The following CACNA1A variants were observed in gnomAD, a reference collection of about 807,000 sequenced individuals.
CACNA1A encodes the protein calcium voltage-gated channel subunit alpha1 A, also known as voltage-dependent P/Q-type calcium channel subunit alpha-1A.
CACNA1A carries 57 observed loss-of-function variants against 262.4 expected under a neutral mutation model. That is an observed-to-expected ratio of 0.22 (90% CI 0.18 to 0.27). CACNA1A has a LOEUF of 0.27. CACNA1A is among the 10% of genes least tolerant of loss of function. The pLI is 1.00. For missense variants in CACNA1A, 2,526 were observed against 3,562.8 expected (o/e 0.71, Z 7.41); for synonymous variants, 1,431 against 1,419.3 (o/e 1.01, Z -0.18).
intron 15 of CACNA1A, chr19:13,306,505 G>C (rs2057906662): frequency 6.6e-6 from 1 of 151,936 alleles, no homozygotes; most frequent in African/African-American, 2.4e-5. Flanking sequence ...TTACAGGCAT[G>C]AACCACCTCA....
At position 13,433,376 on chromosome 19, in the gene CACNA1A, G is replaced by C. The variant is rs148636381; in HGVS notation, c.539+19500C>G. On this transcript the variant is annotated intron_variant, in intron 3 of 46. Transcript: ENST00000360228. The stretch of plus-strand genomic sequence containing the variant: ...CTCAGGAGGCTGACGTGGGAGGATT[G>C]CTTGAGCCTGGGAGGTCAAGGCTGC... 3.7e-3 allele frequency among the ~76,000 whole-genome samples: 546 copies of C among 148,280 alleles called. 2 individuals are homozygous for C. The highest frequency in any genetic ancestry group is 0.013 in the African/African-American group (506 of 39,838).
intron 29 of CACNA1A, among the ~76,000 whole-genome samples, chr19:13,254,431 C>T (rs1456851419): frequency 6.6e-6 from 1 of 151,594 alleles, no homozygotes; most frequent in African/African-American, 2.4e-5. Flanking sequence ...TGCGCTATCT[C>T]GGCTCATGGC....
At chr19:13,376,871 T>C (rs1464362880) in intron 3 of CACNA1A, among the ~76,000 whole-genome samples, 1 of 144,262 alleles carries the variant, frequency 6.9e-6, no homozygotes, top group Non-Finnish European at 1.5e-5. Context: ...ATATGTGATA[T>C]ATATAACACA....
intron 24 of CACNA1A, chr19:13,273,651 A>C (rs999195616): frequency 5.6e-5 from 8 of 142,532 alleles, no homozygotes; most frequent in African/African-American, 2.1e-4. Context: ...ACAGCTTGCT[A>C]AACCTGTTTT....
At chr19:13,303,675 C>T in intron 16 of CACNA1A, 62 bp from the exon 17 acceptor site, 1 of 1,572,658 alleles carries the variant, frequency 6.4e-7, no homozygotes, top group Non-Finnish European at 8.8e-7. Flanking sequence ...CCCTGGGTAT[C>T]TGGGTCTCTC....
At chr19:13,395,043 G>A (rs1016173125) in intron 3 of CACNA1A, among the ~76,000 whole-genome samples, 1 of 152,078 alleles carries the variant, frequency 6.6e-6, no homozygotes, top group Admixed American at 6.6e-5. Flanking sequence ...GGAGGCCGAC[G>A]TGGGTGGATC....
At chr19:13,251,444 C>G (rs2056395535) in intron 30 of CACNA1A, among the ~76,000 whole-genome samples, 1 of 152,178 alleles carries the variant, frequency 6.6e-6, no homozygotes, top group Non-Finnish European at 1.5e-5. Context: ...GATTGCGCCA[C>G]TGCACTCCAG....
chr19:13,300,951 T>G (rs1321210199), intron 17 of CACNA1A, among the ~76,000 whole-genome samples: 1 of 151,222 alleles, frequency 6.6e-6, no homozygotes, highest in African/African-American at 2.4e-5. Context: ...TTTTTTTTTC[T>G]TTTGTTTGTT....
At chr19:13,353,647 G>A (rs555900494) in intron 6 of CACNA1A, among the ~76,000 whole-genome samples, 7 of 152,132 alleles carry the variant, frequency 4.6e-5, no homozygotes, top group African/African-American at 9.7e-5. Flanking sequence ...CAACAGCATC[G>A]CTGATTAGTT....
chr19:13,411,690 CTCCT>C lies in CACNA1A; in HGVS notation c.540-39915_540-39912del, dbSNP rs1205171435. Reference sequence around the variant, plus strand: ...TCCCTCTCTCTCTTTCTCTCTCTTTCTCCTTCTCTCTCTCTCTCTCTCTCCCCAT... The same window carrying C: ...TCCCTCTCTCTCTTTCTCTCTCTTTCTCTCTCTCTCTCTCTCTCTCCCCAT... On this transcript the variant is annotated intron_variant, in intron 3 of 46. Transcript: ENST00000360228. Among the ~76,000 whole-genome samples the C allele has an allele frequency of 6.9e-5, 10 of 145,748 alleles. No individual in the cohort carries two copies. The South Asian group carries it at 2.0e-3, about 30-fold the overall frequency.
At chr19:13,269,314 C>T (rs1211722247) in intron 24 of CACNA1A, among the ~76,000 whole-genome samples, 1 of 152,162 alleles carries the variant, frequency 6.6e-6, no homozygotes. Flanking sequence ...GAAGCTGAGG[C>T]CTAGAGAAAA....
intron 30 of CACNA1A, 139 bp from the exon 31 acceptor site, chr19:13,245,404 G>A (rs1053259578): frequency 2.2e-5 from 15 of 686,380 alleles, no homozygotes; most frequent in East Asian, 8.1e-5. Flanking sequence ...GAAGGGCTGC[G>A]GTAAAGGCTG....
At chr19:13,315,741 G>C (rs148543292) in intron 11 of CACNA1A, 3 of 152,152 alleles carry the variant, frequency 2.0e-5, no homozygotes, top group Non-Finnish European at 2.9e-5. Context: ...CAATGGCCTG[G>C]ACTAGGCTCA....
intron 3 of CACNA1A, among the ~76,000 whole-genome samples, chr19:13,429,939 A>G (rs1249680695): frequency 7.1e-6 from 1 of 141,354 alleles, no homozygotes; most frequent in East Asian, 2.3e-4. Flanking sequence ...TAGAAACTAG[A>G]ACGGCGGGTG....
In CACNA1A at chr19:13,277,183, C is replaced by G. The variant is rs528415352; in HGVS notation, c.3823-55G>C. 1.3e-5 allele frequency: 16 copies of G among 1,258,886 alleles called. No individual in the cohort carries two copies. In the East Asian group the frequency reaches 3.7e-4, roughly 29 times the overall value. The allele number at this position is 1,258,886 out of a possible 1,614,324, so 78.0% of individuals were successfully genotyped here. On this transcript the variant is annotated intron_variant, in intron 22 of 46. Coordinates refer to ENST00000360228, the MANE Select transcript of CACNA1A (RefSeq NM_001127222.2). The stretch of plus-strand genomic sequence containing the variant: ...GATCACTGGCCTGTTCCAGCAGAGC[C>G]CCGGTAAAACTAACGATCGCCTACT...
At chr19:13,430,309 C>T (rs367778959) in intron 3 of CACNA1A, among the ~76,000 whole-genome samples, 5 of 152,170 alleles carry the variant, frequency 3.3e-5, no homozygotes, top group South Asian at 2.1e-4. Flanking sequence ...CGGGTTCAAG[C>T]GATTCTCCTG....
At chr19:13,398,621 G>T (rs1175791691) in intron 3 of CACNA1A, among the ~76,000 whole-genome samples, 1 of 152,194 alleles carries the variant, frequency 6.6e-6, no homozygotes, top group Non-Finnish European at 1.5e-5. Context: ...GCTCCCAGGT[G>T]GGAAAGGGTT....
At chr19:13,422,596 C>G (rs2060334818) in intron 3 of CACNA1A, among the ~76,000 whole-genome samples, 1 of 152,182 alleles carries the variant, frequency 6.6e-6, no homozygotes, top group Non-Finnish European at 1.5e-5. Context: ...TTGGGCCATG[C>G]CTGGTAGCTT....
chr19:13,485,761 C>G (rs554877052), intron 1 of CACNA1A, among the ~76,000 whole-genome samples: 1 of 152,146 alleles, frequency 6.6e-6, no homozygotes, highest in South Asian at 2.1e-4. Flanking sequence ...CACCCACCAC[C>G]GGCAGGAGTG....
Sources: allele counts gnomAD v4.1 joint callset (sites outside exome capture counted in the v4.1 genomes callset), GRCh38; gene constraint gnomAD v4.1.1; transcripts MANE v1.5; gene names NCBI Gene and HGNC (gene_info 2026-07-23, HGNC 2026-07-21).